The following ENTREP2 variants were observed in gnomAD, a reference collection of about 807,000 sequenced individuals.
ENTREP2 encodes the protein protein ENTREP2.
the ENTREP2 span, among the ~76,000 whole-genome samples, chr15:29,208,133 C>T: frequency 2.6e-5 from 4 of 151,434 alleles, no homozygotes; most frequent in African/African-American, 9.7e-5. Context: ...CCACCATTTC[C>T]CTCTTTTGCT....
chr15:29,238,503 G>T, the ENTREP2 span, among the ~76,000 whole-genome samples: 546 of 152,082 alleles, frequency 3.6e-3, 2 homozygotes, highest in African/African-American at 0.012. Context: ...AGCTTGGTGG[G>T]ACGTGCCTGT....
the ENTREP2 span, among the ~76,000 whole-genome samples, chr15:29,585,728 C>T: frequency 5.9e-5 from 9 of 152,016 alleles, no homozygotes; most frequent in South Asian, 4.2e-4. Flanking sequence ...CGGTGGCGGG[C>T]GCCTGTAATC....
the ENTREP2 span, among the ~76,000 whole-genome samples, chr15:29,387,939 C>G: frequency 3.9e-5 from 6 of 152,264 alleles, no homozygotes; most frequent in South Asian, 1.2e-3. Flanking sequence ...AAACTGGATC[C>G]CTTCCTTATA....
chr15:29,396,132 T>C, the ENTREP2 span, among the ~76,000 whole-genome samples: 102,171 of 152,052 alleles, frequency 0.67, 35,578 homozygotes, highest in Admixed American at 0.77. Flanking sequence ...ACATATGAAG[T>C]CTCTTTCAGA....
At chr15:29,604,897 G>A in the ENTREP2 span, among the ~76,000 whole-genome samples, 22 of 152,342 alleles carry the variant, frequency 1.4e-4, no homozygotes, top group South Asian at 4.4e-3. Context: ...AGTAAGGGCA[G>A]GTGAGAAAGG....
chr15:29,360,487 ATAGAT>A, the ENTREP2 span, among the ~76,000 whole-genome samples: 2 of 152,242 alleles, frequency 1.3e-5, no homozygotes, highest in African/African-American at 4.8e-5. Flanking sequence ...CCTGTGAACT[ATAGAT>A]TAATTTTGAT....
At chr15:29,258,958 T>G in the ENTREP2 span, among the ~76,000 whole-genome samples, 1 of 152,360 alleles carries the variant, frequency 6.6e-6, no homozygotes, top group East Asian at 1.9e-4. Context: ...TATTCCATTG[T>G]TCCAGAAATT....
the ENTREP2 span, among the ~76,000 whole-genome samples, chr15:29,170,429 A>G: frequency 1.1e-4 from 16 of 152,184 alleles, no homozygotes; most frequent in Non-Finnish European, 2.9e-5. Flanking sequence ...AGCCAAGAAT[A>G]AATATAGAAA....
At chr15:29,494,083 A>G in the ENTREP2 span, among the ~76,000 whole-genome samples, 1 of 152,236 alleles carries the variant, frequency 6.6e-6, no homozygotes. Context: ...AATTAAGAAA[A>G]TAAGTAACAA....
chr15:29,307,279 T>C, the ENTREP2 span, among the ~76,000 whole-genome samples: 2 of 123,092 alleles, frequency 1.6e-5, no homozygotes, highest in African/African-American at 7.9e-5. Flanking sequence ...ATGTCATGCT[T>C]CAGCTAACAT....
chr15:29,609,241 T>G, the ENTREP2 span, among the ~76,000 whole-genome samples: 1 of 150,264 alleles, frequency 6.7e-6, no homozygotes, highest in Admixed American at 6.7e-5. Flanking sequence ...AGAATCTGGT[T>G]TATTCTTTAT....
chr15:29,460,520 T>C, the ENTREP2 span, among the ~76,000 whole-genome samples: 119 of 152,030 alleles, frequency 7.8e-4, no homozygotes, highest in African/African-American at 2.8e-3. Context: ...TATTCCCAGC[T>C]ACTTGGGAGG....
chr15:29,174,814 A>G, the ENTREP2 span, among the ~76,000 whole-genome samples: 1 of 152,130 alleles, frequency 6.6e-6, no homozygotes, highest in African/African-American at 2.4e-5. Context: ...TAAGGTATCT[A>G]TTTCATAGGT....
At chr15:29,655,138 T>C in the ENTREP2 span, among the ~76,000 whole-genome samples, 2 of 152,176 alleles carry the variant, frequency 1.3e-5, no homozygotes, top group Non-Finnish European at 2.9e-5. Flanking sequence ...GCACCTTTGG[T>C]AGAGCGTGAT....
chr15:29,339,301 G>A, the ENTREP2 span, among the ~76,000 whole-genome samples: 1 of 152,238 alleles, frequency 6.6e-6, no homozygotes, highest in African/African-American at 2.4e-5. Flanking sequence ...AAGGGAGAAG[G>A]GGGTCAAATA....
chr15:29,439,003 T>G, the ENTREP2 span, among the ~76,000 whole-genome samples: 1 of 152,046 alleles, frequency 6.6e-6, no homozygotes, highest in Non-Finnish European at 1.5e-5. Context: ...CATGATGACT[T>G]CATAAAACAA....
At chr15:29,382,292 A>G in the ENTREP2 span, among the ~76,000 whole-genome samples, 1 of 151,308 alleles carries the variant, frequency 6.6e-6, no homozygotes, top group Middle Eastern at 3.5e-3. Context: ...AGAGAACACT[A>G]TTTGGGGAAA....
the ENTREP2 span, among the ~76,000 whole-genome samples, chr15:29,303,359 T>C: frequency 6.6e-6 from 1 of 152,272 alleles, no homozygotes; most frequent in Non-Finnish European, 1.5e-5. Flanking sequence ...AAATGCTTAA[T>C]GCTTTTCTCA....
At chr15:29,490,615 G>C in the ENTREP2 span, among the ~76,000 whole-genome samples, 1 of 152,162 alleles carries the variant, frequency 6.6e-6, no homozygotes, top group Non-Finnish European at 1.5e-5. Flanking sequence ...AGTGCTGATT[G>C]GTGTATTTAC....
Sources: allele counts gnomAD v4.1 joint callset (sites outside exome capture counted in the v4.1 genomes callset), GRCh38; gene constraint gnomAD v4.1.1; transcripts MANE v1.5; gene names NCBI Gene and HGNC (gene_info 2026-07-23, HGNC 2026-07-21).